Variants in CALN1 observed in about 807,000 individuals in gnomAD.
CALN1 encodes calcium-binding protein 8.
Under a neutral mutation model 30.6 loss-of-function variants are expected in CALN1, and 17 were observed. The ratio of observed to expected loss-of-function variants is 0.56; its 90% CI spans 0.38 to 0.83. CALN1 has a LOEUF of 0.83. CALN1 is among the 40% of genes least tolerant of loss of function. CALN1 has a pLI of 0.00. For synonymous variants in CALN1, 156 were observed against 131.4 expected (o/e 1.19, Z -1.28); for missense variants, 291 against 354.9 (o/e 0.82, Z 1.45).
At chr7:72,382,754 T>G (rs976725097) in intron 2 of CALN1, among the ~76,000 whole-genome samples, 1 of 152,138 alleles carries the variant, frequency 6.6e-6, no homozygotes. Context: ...CCTAGCATGA[T>G]AGTCTCCCAG....
intron 2 of CALN1, among the ~76,000 whole-genome samples, chr7:72,330,935 C>T (rs1256990495): frequency 1.3e-5 from 2 of 152,176 alleles, no homozygotes; most frequent in African/African-American, 4.8e-5. Context: ...ACAGTGACAC[C>T]TTCCCTTTCT....
At chr7:72,447,733 G>C (rs760112702), upstream of CALN1, among the ~76,000 whole-genome samples, 2 of 143,384 alleles carry the variant, frequency 1.4e-5, no homozygotes, top group African/African-American at 5.2e-5. Flanking sequence ...ACCTGCCCAC[G>C]CACAAACATG....
chr7:71,927,499 T>C (rs145925634), intron 5 of CALN1, among the ~76,000 whole-genome samples: 7,891 of 152,270 alleles, frequency 0.052, 359 homozygotes, highest in East Asian at 0.14. Flanking sequence ...CATGAGCCAC[T>C]GTGCCCAGCC....
At chr7:72,438,264 A>G (rs1808237359) in intron 1 of CALN1, among the ~76,000 whole-genome samples, 1 of 151,766 alleles carries the variant, frequency 6.6e-6, no homozygotes, top group African/African-American at 2.4e-5. Context: ...CCAGGCATGC[A>G]CCACTATCCC....
chr7:72,133,931 G>T (rs1036226356), intron 3 of CALN1, among the ~76,000 whole-genome samples: 1 of 152,202 alleles, frequency 6.6e-6, no homozygotes, highest in Non-Finnish European at 1.5e-5. Flanking sequence ...AAAGCTAAAT[G>T]CTACAGTTTG....
At chr7:72,010,602 A>G (rs2129529188) in intron 5 of CALN1, among the ~76,000 whole-genome samples, 1 of 150,946 alleles carries the variant, frequency 6.6e-6, no homozygotes, top group East Asian at 2.0e-4. Context: ...ACCTGCATTC[A>G]GGAGTTCAAG....
intron 3 of CALN1, among the ~76,000 whole-genome samples, chr7:72,220,875 C>A (rs1173549651): frequency 6.6e-6 from 1 of 152,166 alleles, no homozygotes; most frequent in Non-Finnish European, 1.5e-5. Context: ...CCTTCGCCCA[C>A]TTTTTGATGG....
intron 5 of CALN1, among the ~76,000 whole-genome samples, chr7:71,963,535 C>G (rs1340521723): frequency 6.6e-6 from 1 of 151,754 alleles, no homozygotes; most frequent in Non-Finnish European, 1.5e-5. Flanking sequence ...GAACTCCTGA[C>G]CTCAAATGAT....
intron 2 of CALN1, among the ~76,000 whole-genome samples, chr7:72,287,864 C>A (rs73129568): frequency 0.086 from 13,121 of 152,132 alleles, 858 homozygotes; most frequent in Middle Eastern, 0.18. Flanking sequence ...GCAGGAATTT[C>A]TCTGAACTGC....
intron 3 of CALN1, among the ~76,000 whole-genome samples, chr7:72,225,939 T>C (rs1055597060): frequency 7.3e-5 from 11 of 151,670 alleles, no homozygotes; most frequent in Admixed American, 7.2e-4. Context: ...CTACTAAAAA[T>C]ACAAAAATTA....
intron 5 of CALN1, among the ~76,000 whole-genome samples, chr7:71,867,320 A>C (rs192852491): frequency 6.6e-6 from 1 of 152,294 alleles, no homozygotes; most frequent in East Asian, 1.9e-4. Context: ...AAATACATCA[A>C]AATGTCCTTA....
intron 2 of CALN1, among the ~76,000 whole-genome samples, chr7:72,392,468 G>C (rs958240462): frequency 1.3e-5 from 2 of 152,202 alleles, no homozygotes; most frequent in African/African-American, 4.8e-5. Flanking sequence ...GTGCTGATGG[G>C]AGAGACTGAG....
chr7:72,164,447 G>A (rs1788371539), intron 3 of CALN1, among the ~76,000 whole-genome samples: 1 of 151,820 alleles, frequency 6.6e-6, no homozygotes, highest in Admixed American at 6.6e-5. Flanking sequence ...ACTCTTATAT[G>A]CCAATGAATG....
chr7:71,800,460 T>A (rs1787235595), intron 6 of CALN1, among the ~76,000 whole-genome samples: 2 of 152,106 alleles, frequency 1.3e-5, no homozygotes, highest in South Asian at 4.1e-4. Flanking sequence ...AAACTATTTA[T>A]TCCCCAGTTG....
intron 5 of CALN1, among the ~76,000 whole-genome samples, chr7:72,002,830 T>C (rs926110927): frequency 5.9e-5 from 9 of 152,176 alleles, no homozygotes; most frequent in African/African-American, 1.9e-4. Flanking sequence ...ATCTCACTTA[T>C]ATGTAGAATC....
At position 72,342,439 on chromosome 7, in the gene CALN1, G is replaced by T. The variant is rs537921708; in HGVS notation, c.119+60812C>A. Among the ~76,000 whole-genome samples, 168 of 152,222 alleles carry T rather than the reference G, an allele frequency of 1.1e-3. 1 individual carries two copies. The highest frequency in any genetic ancestry group is 3.4e-3 in the Middle Eastern group (1 of 294). Reference sequence around the variant, plus strand: ...TATTCAATATATGTGGTCAAAATGTGTCAGCTCCTTCCTATGAAAATACCA... The same window carrying T: ...TATTCAATATATGTGGTCAAAATGTTTCAGCTCCTTCCTATGAAAATACCA... On this transcript the variant is annotated intron_variant, in intron 2 of 6. Coordinates refer to ENST00000395275, the MANE Select transcript of CALN1 (RefSeq NM_031468.4).
intron 2 of CALN1, among the ~76,000 whole-genome samples, chr7:72,358,013 A>G (rs1803343904): frequency 6.6e-6 from 1 of 151,306 alleles, no homozygotes; most frequent in East Asian, 1.9e-4. Context: ...TGTATTTAAG[A>G]GGCAGAATCT....
chr7:72,161,391 G>C (rs776741289), intron 3 of CALN1, among the ~76,000 whole-genome samples: 3 of 152,178 alleles, frequency 2.0e-5, no homozygotes, highest in Non-Finnish European at 4.4e-5. Context: ...GAATAAGGTG[G>C]AGAAGGATGG....
At chr7:72,336,609 G>A (rs774501008) in intron 2 of CALN1, 77 of 842,530 alleles carry the variant, frequency 9.1e-5, no homozygotes, top group Middle Eastern at 5.9e-4. Flanking sequence ...GCGACAGCCC[G>A]GGGGTTTGGA....
Sources: allele counts gnomAD v4.1 joint callset (sites outside exome capture counted in the v4.1 genomes callset), GRCh38; gene constraint gnomAD v4.1.1; transcripts MANE v1.5; gene names NCBI Gene and HGNC (gene_info 2026-07-23, HGNC 2026-07-21).